The following DLC1 variants were observed in gnomAD, a reference collection of about 807,000 sequenced individuals.
The protein encoded by DLC1 is rho GTPase-activating protein 7.
Under a neutral mutation model 140.3 loss-of-function variants are expected in DLC1, and 54 were observed. That is an observed-to-expected ratio of 0.38 (90% CI 0.31 to 0.48). The LOEUF (loss-of-function observed/expected upper bound fraction) is 0.48. DLC1 is among the 20% of genes least tolerant of loss of function. The probability of loss-of-function intolerance (pLI) is 0.96; values close to 1 mark genes in which losing one functional copy is unlikely to be tolerated. For synonymous variants in DLC1, 986 were observed against 728.1 expected (o/e 1.35, Z -5.70); for missense variants, 2,536 against 1,907.0 (o/e 1.33, Z -6.14).
intron 1 of DLC1, among the ~76,000 whole-genome samples, chr8:13,601,291 C>G (rs1470665881): frequency 1.3e-5 from 2 of 151,734 alleles, no homozygotes; most frequent in East Asian, 1.9e-4. Context: ...AGCTCAAATT[C>G]CAGTCTTCCA....
intron 5 of DLC1, among the ~76,000 whole-genome samples, chr8:13,178,516 G>C (rs927521109): frequency 6.7e-6 from 1 of 149,956 alleles, no homozygotes; most frequent in Non-Finnish European, 1.5e-5. Flanking sequence ...AGCTTGCAAT[G>C]AGCCGAGATT....
At chr8:13,419,770 A>G (rs1205288668) in intron 2 of DLC1, among the ~76,000 whole-genome samples, 1 of 152,160 alleles carries the variant, frequency 6.6e-6, no homozygotes, top group Non-Finnish European at 1.5e-5. Context: ...ATTGATTGGA[A>G]TAGTTTCAGA....
chr8:13,563,571 C>G (rs536757289), intron 1 of DLC1, among the ~76,000 whole-genome samples: 5 of 152,100 alleles, frequency 3.3e-5, no homozygotes, highest in African/African-American at 1.2e-4. Context: ...TTCACAGAAC[C>G]TTGCACAGTG....
Position 13,499,149 on chromosome 8 carries a change from G to C in DLC1, c.923C>G (p.Pro308Arg). Reference sequence around the variant, plus strand: ...CATGCCATCTTCTGCCTTGACCTTTGGTGGACTTTTGTTTTGATGTTGTGA... The same window carrying C: ...CATGCCATCTTCTGCCTTGACCTTTCGTGGACTTTTGTTTTGATGTTGTGA... ...GFSQHQNKSP[P>R]KVKAEDGMQC... The change falls in exon 2 of 18, where the codon CCA becomes CGA. Residue 308 changes from proline (P) to arginine (R), a missense_variant. Physicochemically the swap from Pro to Arg is moderately radical, Grantham distance 103. Transcript: ENST00000276297. 6.2e-7 allele frequency: 1 copy of C among 1,614,130 alleles called. No individual in the cohort carries two copies. Among genetic ancestry groups the C allele is most frequent in the Non-Finnish European group, 8.5e-7 (1 of 1,180,018 alleles).
intron 5 of DLC1, among the ~76,000 whole-genome samples, chr8:13,217,566 G>A (rs148654293): frequency 3.3e-5 from 5 of 152,150 alleles, no homozygotes; most frequent in African/African-American, 9.7e-5. Context: ...CTGGCATGGT[G>A]GCTCACGCCT....
At position 13,099,567 on chromosome 8, in the gene DLC1, A is replaced by C. The variant is rs1474638010; in HGVS notation, c.2770T>G (p.Ser924Ala). The change falls in exon 9 of 18, where the codon TCG becomes GCG. Residue 924 changes from serine to alanine, a missense_variant. Physicochemically the swap from Ser to Ala is moderately conservative, Grantham distance 99. Transcript: ENST00000276297. ...TCTCCCTCATCAGAAAACTTCTCCG[A>C]CCACTGATTGACTATCCGCTGCATC... ...KGMQRIVNQW[S>A]EKFSDEGDSD... The C allele has an allele frequency of 6.2e-7, 1 of 1,613,958 alleles. No homozygotes were observed. Among genetic ancestry groups the C allele is most frequent in the Non-Finnish European group, 8.5e-7 (1 of 1,180,026 alleles).
intron 4 of DLC1, among the ~76,000 whole-genome samples, chr8:13,366,332 G>A (rs375081032): frequency 2.0e-5 from 3 of 152,152 alleles, no homozygotes; most frequent in African/African-American, 4.8e-5. Context: ...CATGCCTGGC[G>A]CTGTCCTAAG....
At chr8:13,413,322 CA>C (rs1278471871) in intron 2 of DLC1, among the ~76,000 whole-genome samples, 2 of 119,810 alleles carry the variant, frequency 1.7e-5, no homozygotes, top group Non-Finnish European at 3.3e-5. Context: ...ATGTGTGGCC[CA>C]AGATAATTCT....
intron 5 of DLC1, among the ~76,000 whole-genome samples, chr8:13,213,706 A>G (rs1187330805): frequency 6.6e-6 from 1 of 152,060 alleles, no homozygotes; most frequent in Non-Finnish European, 1.5e-5. Flanking sequence ...ACCCAACTGT[A>G]CAATAAAATT....
intron 1 of DLC1, chr8:13,567,571 C>T (rs1804493157): frequency 1.9e-6 from 3 of 1,551,782 alleles, no homozygotes; most frequent in East Asian, 4.9e-5. Flanking sequence ...AGCTAAGCAA[C>T]ACATATCTTA....
At chr8:13,556,072 T>C (rs1232696815) in intron 1 of DLC1, among the ~76,000 whole-genome samples, 3 of 152,086 alleles carry the variant, frequency 2.0e-5, no homozygotes. Context: ...AGTAAGTTAA[T>C]GGTGTGATAC....
chr8:13,153,810 C>T (rs1201306441), intron 5 of DLC1, among the ~76,000 whole-genome samples: 2 of 152,118 alleles, frequency 1.3e-5, no homozygotes, highest in Non-Finnish European at 2.9e-5. Context: ...CTGAGCTACA[C>T]AGAGTGCTGA....
At chr8:13,212,129 T>C (rs1419826296) in intron 5 of DLC1, among the ~76,000 whole-genome samples, 1 of 152,228 alleles carries the variant, frequency 6.6e-6, no homozygotes, top group Non-Finnish European at 1.5e-5. Context: ...AGAGAATTTC[T>C]ATGTTAAGAA....
chr8:13,120,002 A>G (rs1388662258), intron 5 of DLC1, among the ~76,000 whole-genome samples: 2 of 150,938 alleles, frequency 1.3e-5, no homozygotes. Context: ...ATTACTTACA[A>G]AAATGCAAGG....
At chr8:13,305,816 A>C (rs1832395164) in intron 4 of DLC1, among the ~76,000 whole-genome samples, 1 of 152,208 alleles carries the variant, frequency 6.6e-6, no homozygotes, top group Non-Finnish European at 1.5e-5. Context: ...CAGCCTGGGC[A>C]ACACAGTCAG....
At chr8:13,294,834 CCT>C (rs1298731458) in intron 5 of DLC1, among the ~76,000 whole-genome samples, 1 of 152,122 alleles carries the variant, frequency 6.6e-6, no homozygotes, top group Non-Finnish European at 1.5e-5. Context: ...TCTTAGGGAG[CCT>C]CTCTGAGTCT....
chr8:13,269,819 A>G (rs2117375135), intron 5 of DLC1, among the ~76,000 whole-genome samples: 2 of 150,426 alleles, frequency 1.3e-5, no homozygotes, highest in South Asian at 4.2e-4. Context: ...GCATTTTGGG[A>G]GGCTGAAGCA....
At chr8:13,601,604 C>T (rs774472997) in intron 1 of DLC1, among the ~76,000 whole-genome samples, 5 of 150,252 alleles carry the variant, frequency 3.3e-5, no homozygotes, top group Admixed American at 6.7e-5. Context: ...GGTAACTTGG[C>T]TAACTTGTCA....
chr8:13,143,524 C>T (rs1331542436), intron 5 of DLC1, among the ~76,000 whole-genome samples: 1 of 152,078 alleles, frequency 6.6e-6, no homozygotes, highest in Non-Finnish European at 1.5e-5. Context: ...GGTGTGATCA[C>T]GGTTCACTGC....
Sources: gnomAD v4.1 joint callset for allele counts (sites outside exome capture counted in the v4.1 genomes callset) on GRCh38, gnomAD v4.1.1 for gene constraint, MANE v1.5 for transcripts, NCBI Gene and HGNC (gene_info 2026-07-23, HGNC 2026-07-21) for gene names.